The following SUCO variants were observed in gnomAD, a reference collection of about 807,000 sequenced individuals.
SUCO encodes the protein SUN domain-containing ossification factor.
Under a neutral mutation model 148.1 loss-of-function variants are expected in SUCO, and 57 were observed. That is an observed-to-expected ratio of 0.38 (90% CI 0.31 to 0.48). The LOEUF is 0.48. SUCO is among the 20% of genes least tolerant of loss of function. SUCO has a pLI of 0.96. For synonymous variants in SUCO, 470 were observed against 502.7 expected (o/e 0.93, Z 0.87); for missense variants, 1,331 against 1,468.2 (o/e 0.91, Z 1.53).
intron 1 of SUCO, among the ~76,000 whole-genome samples, chr1:172,536,965 A>C (rs10911875): frequency 0.091 from 13,855 of 152,188 alleles, 891 homozygotes; most frequent in South Asian, 0.28. Context: ...CATAATCCTT[A>C]ATTTAATCAC....
At chr1:172,551,798 T>C in intron 2 of SUCO, 172 bp downstream of exon 2, 1 of 540,358 alleles carries the variant, frequency 1.9e-6, no homozygotes, top group Non-Finnish European at 3.3e-6. Flanking sequence ...CTCAGAGATA[T>C]TTATATGTTT....
At chr1:172,586,457 G>A (rs939866866) in intron 17 of SUCO, among the ~76,000 whole-genome samples, 2 of 152,094 alleles carry the variant, frequency 1.3e-5, no homozygotes, top group Admixed American at 6.6e-5. Flanking sequence ...GACACTTTGG[G>A]CAGGGATGTA....
At chr1:172,576,980 C>T (rs1038225388) in intron 11 of SUCO, 1 of 679,148 alleles carries the variant, frequency 1.5e-6, no homozygotes, top group Admixed American at 6.3e-5. Context: ...TATATATCTT[C>T]CACTTCTGTA....
chr1:172,557,905 A>T lies in SUCO; in HGVS notation c.732+111A>T, dbSNP rs951037150. ...ATTTGTCATAAAATCAGGGAGATTA[A>T]GTAGACAATAACATGTGGAACTAAC... On this transcript the variant is annotated intron_variant, in intron 6 of 23. Transcript: ENST00000263688. The T allele has an allele frequency of 2.4e-5, 20 of 835,874 alleles. No individual in the cohort carries two copies. In the South Asian group the frequency reaches 2.7e-4, roughly 11 times the overall value. The allele number at this position is 835,874 out of a possible 1,614,324, so 51.8% of individuals were successfully genotyped here.
intron 14 of SUCO, 35 bp downstream of exon 14, chr1:172,578,424 T>G (rs765714324): frequency 2.0e-6 from 3 of 1,509,094 alleles, no homozygotes; most frequent in Non-Finnish European, 2.7e-6. Context: ...GTTAGGTATA[T>G]TTTTTTTACT....
Position 172,578,423 on chromosome 1 carries a change from A to G in SUCO, c.1432+34A>G, listed in dbSNP as rs563928068. On this transcript the variant is annotated intron_variant, in intron 14 of 23. Coordinates refer to ENST00000263688, the MANE Select transcript of SUCO (RefSeq NM_014283.5). ...CATCAAACAGATGACTGTTAGGTAT[A>G]TTTTTTTTACTTTTTAAAAATCGAA... The G allele has an allele frequency of 5.1e-6, 8 of 1,577,568 alleles. No homozygotes were observed. In the South Asian group the frequency reaches 5.6e-5, roughly 11 times the overall value.
At chr1:172,607,112 A>T (rs1657911428) in intron 22 of SUCO, among the ~76,000 whole-genome samples, 1 of 151,932 alleles carries the variant, frequency 6.6e-6, no homozygotes, top group Non-Finnish European at 1.5e-5. Flanking sequence ...AATTATCTTT[A>T]TAGTTTGTGT....
In SUCO at chr1:172,533,463, C is replaced by G. The variant is rs1342978001; in HGVS notation, c.28C>G (p.Leu10Val). 3.2e-6 allele frequency: 5 copies of G among 1,565,052 alleles called. No individual in the cohort carries two copies. The highest frequency in any genetic ancestry group is 4.3e-6 in the Non-Finnish European group (5 of 1,154,654). Residue 10 changes from leucine (L) to valine (V), a missense_variant, in exon 1 of 24, where the codon CTG (leucine) becomes GTG (valine). By Grantham distance (32) the Leu-to-Val change is conservative. Coordinates refer to ENST00000263688, the MANE Select transcript of SUCO (RefSeq NM_014283.5). MKKHRRALA[L>V]VSCLFLCSLV... ...GAAGAAGCACCGGCGGGCCTTGGCC[C>G]TGGTCTCCTGCCTCTTTCTGTGCTC...
At chr1:172,568,915 A>G (rs1276832540) in intron 6 of SUCO, 104 bp from the exon 7 acceptor site, 3 of 1,127,202 alleles carry the variant, frequency 2.7e-6, no homozygotes, top group Non-Finnish European at 3.7e-6. Context: ...ATCATTCATT[A>G]TAAATTGGAA....
intron 6 of SUCO, among the ~76,000 whole-genome samples, chr1:172,559,190 C>T (rs1379151158): frequency 6.6e-6 from 1 of 152,128 alleles, no homozygotes; most frequent in African/African-American, 2.4e-5. Flanking sequence ...AGAATGCTTT[C>T]CAAACTGATT....
chr1:172,549,552 T>C lies in SUCO; in HGVS notation c.63-1960T>C, dbSNP rs546399018. ...CATTGGATATCATTTTTAAAAGGTA[T>C]TTTTTTCTCAATCACTTTCACATTA... On this transcript the variant is annotated intron_variant, in intron 1 of 23. Transcript: ENST00000263688. Among the ~76,000 whole-genome samples the C allele has an allele frequency of 2.0e-5, 3 of 152,008 alleles. No individual in the cohort carries two copies. In the East Asian group the frequency reaches 5.8e-4, roughly 29 times the overall value.
rs758842214 is a variant in SUCO at position 172,570,033 on chromosome 1, C to T, written c.857-14C>T. ...ATATATATATAAATATTTATAATAA[C>T]GGTTTGTCTGCAGGTCAGTCGATGC... On this transcript the variant is annotated splice_polypyrimidine_tract_variant and intron_variant, in intron 7 of 23. Coordinates refer to ENST00000263688, the MANE Select transcript of SUCO (RefSeq NM_014283.5). The T allele has an allele frequency of 9.3e-6, 13 of 1,401,250 alleles. No individual in the cohort carries two copies. Among genetic ancestry groups the T allele is most frequent in the Admixed American group, 2.7e-5 (1 of 36,962 alleles). 86.8% of individuals were successfully genotyped at this position (1,401,250 alleles called of 1,614,324 possible).
intron 1 of SUCO, chr1:172,550,781 A>C (rs900747052): frequency 1.3e-5 from 4 of 305,694 alleles, no homozygotes; most frequent in African/African-American, 2.3e-5. Context: ...TTCTTAAAAC[A>C]TTGATGGATG....
At chr1:172,595,735 G>A (rs1221598048) in intron 19 of SUCO, among the ~76,000 whole-genome samples, 1 of 152,150 alleles carries the variant, frequency 6.6e-6, no homozygotes, top group African/African-American at 2.4e-5. Context: ...CAACTTTGGT[G>A]AATCTGACAA....
At position 172,589,529 on chromosome 1, in the gene SUCO, G is replaced by T. The variant is rs1438023478; in HGVS notation, c.2428G>T (p.Asp810Tyr). 1 of 1,613,516 alleles carries T rather than the reference G, an allele frequency of 6.2e-7. No individual in the cohort carries two copies. The highest frequency in any genetic ancestry group is 1.1e-5 in the South Asian group (1 of 91,026). Residue 810 changes from aspartate (D) to tyrosine (Y), a missense_variant, in exon 18 of 24, where the codon GAT becomes TAT. Transcript: ENST00000263688. ...NELMDNIIKE[D>Y]VNSMQIFTKL... ...GTTAATGGATAATATTATAAAAGAA[G>T]ATGTGAACTCCATGCAAATTTTCAC... is the stretch of plus-strand genomic sequence containing the variant.
chr1:172,543,526 A>G (rs1158267106), intron 1 of SUCO, among the ~76,000 whole-genome samples: 4 of 152,212 alleles, frequency 2.6e-5, no homozygotes, highest in Admixed American at 1.3e-4. Flanking sequence ...AAAACAGAAC[A>G]TATCACATTT....
intron 22 of SUCO, chr1:172,608,370 T>C: frequency 4.5e-6 from 1 of 223,556 alleles, no homozygotes; most frequent in Non-Finnish European, 8.7e-6. Context: ...TAGGGAAGTA[T>C]TCAAATGATC....
Position 172,608,732 on chromosome 1 carries a change from T to G in SUCO, c.3266-15T>G, listed in dbSNP as rs201746190. 9.4e-4 allele frequency: 1,458 copies of G among 1,554,830 alleles called. 10 individuals carry two copies. The highest frequency in any genetic ancestry group is 8.0e-4 in the Non-Finnish European group (909 of 1,140,226). On this transcript the variant is annotated splice_polypyrimidine_tract_variant and intron_variant, in intron 22 of 23. Transcript: ENST00000263688. ...TTTACATTTTACATCTGCTTTTTTT[T>G]TTTTTTACTTACAGTAGACCCAAAT...
At chr1:172,532,448 A>G, upstream of SUCO, 2 of 1,572,428 alleles carry the variant, frequency 1.3e-6, no homozygotes, top group Non-Finnish European at 8.7e-7. Flanking sequence ...GAAAAAGCGA[A>G]AGGTTTTCCG....
Sources: allele counts gnomAD v4.1 joint callset (sites outside exome capture counted in the v4.1 genomes callset), GRCh38; gene constraint gnomAD v4.1.1; transcripts MANE v1.5; gene names NCBI Gene and HGNC (gene_info 2026-07-23, HGNC 2026-07-21).